The following STXBP6 variants were observed in gnomAD, a reference collection of about 807,000 sequenced individuals.
STXBP6 encodes syntaxin binding protein 6.
STXBP6 carries 21 observed loss-of-function variants against 26.9 expected under a neutral mutation model. The observed-to-expected ratio is 0.78, with a 90% CI of 0.55 to 1.12. The LOEUF (loss-of-function observed/expected upper bound fraction) is 1.12. STXBP6 is among the 50% of genes most tolerant of loss of function. The pLI, the probability that STXBP6 is intolerant of heterozygous loss-of-function variation, is 0.00. For missense variants in STXBP6, 232 were observed against 257.9 expected (o/e 0.90, Z 0.69); for synonymous variants, 97 against 92.6 (o/e 1.05, Z -0.27).
rs2067794008 is a variant in STXBP6 at position 24,810,679 on chromosome 14, T to G, written c.*2030A>C. On this transcript the variant is annotated 3_prime_UTR_variant, in exon 6 of 6. Coordinates refer to ENST00000323944, the MANE Select transcript of STXBP6 (RefSeq NM_001394410.1). Reference sequence around the variant, plus strand: ...AAGAAGAATCTTGGGTTTCACAGTATGCTTATGACCTCATCCTCAGCTACT... The same window carrying G: ...AAGAAGAATCTTGGGTTTCACAGTAGGCTTATGACCTCATCCTCAGCTACT... The G allele has an allele frequency of 6.6e-6, 1 of 152,242 alleles. No homozygotes were observed. Among genetic ancestry groups the G allele is most frequent in the African/African-American group, 2.4e-5 (1 of 41,456 alleles). The allele number at this position is 152,242 out of a possible 1,614,324, so 9.4% of individuals were successfully genotyped here. A position where few individuals can be genotyped will look rare whatever the true frequency, so the allele number is the denominator to read the frequency against.
At chr14:25,026,036 T>C (rs887389819) in intron 1 of STXBP6, among the ~76,000 whole-genome samples, 1 of 152,210 alleles carries the variant, frequency 6.6e-6, no homozygotes, top group Non-Finnish European at 1.5e-5. Context: ...TGACTTTACA[T>C]TGTTGGTGGA....
chr14:25,049,447 T>G lies in STXBP6; in HGVS notation c.-33+431A>C. On this transcript the variant is annotated intron_variant, in intron 1 of 5. Transcript: ENST00000323944. This position sits in a 1 kb window ranked among gnomAD's most constrained non-coding sequence, Gnocchi z 5.6. ...AAGATCGGAGTGATTCGCGGATTTC[T>G]GCGCTCAAGCTAGAGGCGCAGCGAC... is the stretch of plus-strand genomic sequence containing the variant. 1 of 985,366 alleles carries G rather than the reference T, an allele frequency of 1.0e-6. No homozygotes were observed. Among genetic ancestry groups the G allele is most frequent in the Non-Finnish European group, 1.2e-6 (1 of 829,910 alleles). 61.0% of individuals were successfully genotyped at this position (985,366 alleles called of 1,614,324 possible). A position where few individuals can be genotyped will look rare whatever the true frequency, so the allele number is the denominator to read the frequency against.
chr14:25,018,308 G>A (rs1470513396), intron 1 of STXBP6, among the ~76,000 whole-genome samples: 1 of 152,110 alleles, frequency 6.6e-6, no homozygotes, highest in Non-Finnish European at 1.5e-5. Flanking sequence ...CAATGCACTA[G>A]ACCCCCCTAG....
At chr14:24,990,956 GAAGA>G (rs894352423) in intron 1 of STXBP6, among the ~76,000 whole-genome samples, 5 of 151,316 alleles carry the variant, frequency 3.3e-5, no homozygotes, top group African/African-American at 1.2e-4. Context: ...AGCAGAGAGA[GAAGA>G]AAGGAGAGAG....
chr14:24,893,095 G>C (rs567646024), intron 2 of STXBP6, among the ~76,000 whole-genome samples: 4 of 152,316 alleles, frequency 2.6e-5, no homozygotes, highest in Admixed American at 6.5e-5. Context: ...TAGGTGAGCT[G>C]TGGTAGTAGA....
At chr14:24,952,050 AT>A (rs1327734518) in intron 2 of STXBP6, among the ~76,000 whole-genome samples, 1 of 151,104 alleles carries the variant, frequency 6.6e-6, no homozygotes, top group Non-Finnish European at 1.5e-5. Context: ...ACATATAAAA[AT>A]ATTAAAGAAT....
At chr14:24,968,961 G>A (rs1005665651) in intron 2 of STXBP6, among the ~76,000 whole-genome samples, 1 of 152,060 alleles carries the variant, frequency 6.6e-6, no homozygotes, top group African/African-American at 2.4e-5. Flanking sequence ...CCAGCCCCCC[G>A]TGCTGCATTA....
intron 2 of STXBP6, among the ~76,000 whole-genome samples, chr14:24,948,185 C>A (rs546875967): frequency 6.6e-6 from 1 of 152,060 alleles, no homozygotes; most frequent in East Asian, 1.9e-4. Context: ...CTCTACAATT[C>A]GTGAAGATCC....
chr14:24,924,320 A>C (rs1302029728), intron 2 of STXBP6, among the ~76,000 whole-genome samples: 5 of 152,190 alleles, frequency 3.3e-5, no homozygotes, highest in African/African-American at 7.2e-5. Context: ...TGGCCCAAAA[A>C]AGTTCTTATT....
At chr14:25,014,586 C>A (rs1246239048) in intron 1 of STXBP6, among the ~76,000 whole-genome samples, 2 of 152,252 alleles carry the variant, frequency 1.3e-5, no homozygotes, top group Non-Finnish European at 2.9e-5. Context: ...CACTCAGCTA[C>A]CGTGCAAGGC....
intron 2 of STXBP6, among the ~76,000 whole-genome samples, chr14:24,861,551 T>G (rs1159097717): frequency 6.6e-6 from 1 of 152,190 alleles, no homozygotes; most frequent in Non-Finnish European, 1.5e-5. Flanking sequence ...CTGGGTGGAT[T>G]TCGCAATATC....
chr14:24,834,894 C>G lies in STXBP6; in HGVS notation c.452-15700G>C, dbSNP rs547115245. Among the ~76,000 whole-genome samples, 83 of 152,208 alleles carry G rather than the reference C, an allele frequency of 5.5e-4. 1 individual carries two copies. The South Asian group carries it at 0.017, about 32-fold the overall frequency. ...CAGATTCAAGTTATCTGATTTGAGACTGGGAATTTCAAAAAGTGCTTCTCA... is the reference window on the plus strand; with the variant it reads ...CAGATTCAAGTTATCTGATTTGAGAGTGGGAATTTCAAAAAGTGCTTCTCA... On this transcript the variant is annotated intron_variant, in intron 4 of 5. Transcript: ENST00000323944.
chr14:25,035,977 G>C (rs542358984), intron 1 of STXBP6, among the ~76,000 whole-genome samples: 3 of 152,072 alleles, frequency 2.0e-5, no homozygotes, highest in African/African-American at 7.2e-5. Flanking sequence ...CAGCACTTTG[G>C]GAGACTGAGG....
At chr14:24,907,668 TA>T (rs1358141872) in intron 2 of STXBP6, among the ~76,000 whole-genome samples, 1 of 152,160 alleles carries the variant, frequency 6.6e-6, no homozygotes, top group Non-Finnish European at 1.5e-5. Context: ...AATAAGCATT[TA>T]AAAAAATCTT....
At chr14:24,875,159 C>T (rs896610694) in intron 2 of STXBP6, among the ~76,000 whole-genome samples, 20 of 152,104 alleles carry the variant, frequency 1.3e-4, no homozygotes, top group African/African-American at 4.6e-4. Flanking sequence ...GGGTCCTGTG[C>T]CCATTCTGCC....
At chr14:24,891,576 G>C (rs774808861) in intron 2 of STXBP6, among the ~76,000 whole-genome samples, 1 of 152,116 alleles carries the variant, frequency 6.6e-6, no homozygotes, top group Non-Finnish European at 1.5e-5. Flanking sequence ...AATTCCTTAT[G>C]AATACTATAA....
chr14:25,043,920 T>C (rs1346498211), intron 1 of STXBP6, among the ~76,000 whole-genome samples: 1 of 152,136 alleles, frequency 6.6e-6, no homozygotes, highest in African/African-American at 2.4e-5. Context: ...GGCTCATGCC[T>C]GTAATCCCAG....
At chr14:24,922,230 A>AG (rs1431815330) in intron 2 of STXBP6, among the ~76,000 whole-genome samples, 1 of 152,054 alleles carries the variant, frequency 6.6e-6, no homozygotes, top group Non-Finnish European at 1.5e-5. Context: ...TCAGGCTTAA[A>AG]GGGGGGCTTA....
At chr14:25,007,600 G>A (rs1328325934) in intron 1 of STXBP6, among the ~76,000 whole-genome samples, 2 of 152,134 alleles carry the variant, frequency 1.3e-5, no homozygotes, top group East Asian at 1.9e-4. Context: ...CTCCCCCACC[G>A]GAAGCTCTGT....
Sources: allele counts gnomAD v4.1 joint callset (sites outside exome capture counted in the v4.1 genomes callset), GRCh38; gene constraint gnomAD v4.1.1; non-coding constraint Gnocchi (gnomAD v3.1); transcripts MANE v1.5; gene names NCBI Gene and HGNC (gene_info 2026-07-23, HGNC 2026-07-21).